Variants in NLGN1 observed in about 807,000 individuals in gnomAD.
The protein encoded by NLGN1 is neuroligin 1, also known as neuroligin-1.
A neutral mutation model predicts 65.5 loss-of-function variants in NLGN1; 12 were observed. The ratio of observed to expected loss-of-function variants is 0.18; its 90% confidence interval spans 0.12 to 0.30. The LOEUF is 0.30. NLGN1 is among the 10% of genes least tolerant of loss of function. The pLI, the probability that NLGN1 is intolerant of heterozygous loss-of-function variation, is 1.00. For missense variants in NLGN1, 750 were observed against 1,007.1 expected, an observed-to-expected ratio of 0.74 and a Z score of 3.46; for synonymous variants, 350 against 359.5, an observed-to-expected ratio of 0.97 and a Z score of 0.30.
chr3:174,290,105 T>C (rs1752594994), downstream of NLGN1, among the ~76,000 whole-genome samples: 1 of 150,658 alleles, frequency 6.6e-6, no homozygotes. Flanking sequence ...AATTCACGGC[T>C]ATTCCAATCA....
chr3:173,743,290 T>C (rs907620862), intron 3 of NLGN1, among the ~76,000 whole-genome samples: 5 of 152,190 alleles, frequency 3.3e-5, no homozygotes, highest in African/African-American at 4.8e-5. Flanking sequence ...AGTTGTAACA[T>C]GTACGGAATT....
intron 4 of NLGN1, among the ~76,000 whole-genome samples, chr3:174,200,652 ATT>A (rs1734278091): frequency 6.6e-6 from 1 of 152,326 alleles, no homozygotes; most frequent in Non-Finnish European, 1.5e-5. Flanking sequence ...AGAAATATTA[ATT>A]TCAACTAATA....
At chr3:173,934,860 T>A (rs1744767656) in intron 4 of NLGN1, among the ~76,000 whole-genome samples, 1 of 151,978 alleles carries the variant, frequency 6.6e-6, no homozygotes, top group South Asian at 2.1e-4. Context: ...CCCGATAATA[T>A]CTCTTTAAAG....
chr3:173,472,350 C>A (rs1725455335), intron 2 of NLGN1, among the ~76,000 whole-genome samples: 1 of 152,138 alleles, frequency 6.6e-6, no homozygotes, highest in South Asian at 2.1e-4. Context: ...GTCATAATGT[C>A]TTTATGAATG....
intron 4 of NLGN1, among the ~76,000 whole-genome samples, chr3:174,198,748 T>C (rs1280852867): frequency 6.6e-6 from 1 of 152,120 alleles, no homozygotes; most frequent in Non-Finnish European, 1.5e-5. Context: ...CTGAACCGTA[T>C]TTATCTGAGT....
chr3:173,854,459 T>C (rs1462187405), intron 4 of NLGN1, among the ~76,000 whole-genome samples: 3 of 152,068 alleles, frequency 2.0e-5, no homozygotes, highest in East Asian at 3.9e-4. Context: ...ATTCTCAGCT[T>C]TCTGTGGCTG....
intron 4 of NLGN1, among the ~76,000 whole-genome samples, chr3:174,027,059 ATTT>A (rs146892272): frequency 7.7e-6 from 1 of 130,414 alleles, no homozygotes; most frequent in Non-Finnish European, 1.6e-5. Flanking sequence ...GTCTAGTTCA[ATTT>A]TTTTAAAAAA....
At chr3:174,142,775 G>T (rs1411167411) in intron 4 of NLGN1, among the ~76,000 whole-genome samples, 1 of 152,152 alleles carries the variant, frequency 6.6e-6, no homozygotes, top group Non-Finnish European at 1.5e-5. Flanking sequence ...TAAATTATTG[G>T]TACAAAGACA....
chr3:173,767,159 GT>G (rs1305393280), intron 3 of NLGN1, among the ~76,000 whole-genome samples: 2 of 152,108 alleles, frequency 1.3e-5, no homozygotes, highest in South Asian at 2.1e-4. Flanking sequence ...GGACTGGCGT[GT>G]TTTTCTTCAA....
At chr3:173,739,033 C>T (rs777080376) in intron 3 of NLGN1, among the ~76,000 whole-genome samples, 5 of 151,846 alleles carry the variant, frequency 3.3e-5, no homozygotes, top group African/African-American at 7.3e-5. Flanking sequence ...ATGACATAAA[C>T]CTTGAGTTGT....
chr3:173,668,619 CTTTT>C (rs34649854), intron 3 of NLGN1, among the ~76,000 whole-genome samples: 5 of 132,744 alleles, frequency 3.8e-5, no homozygotes, highest in Admixed American at 7.6e-5. Context: ...CTTTTCTTTT[CTTTT>C]TTTTTTTTTT....
chr3:173,499,586 G>T (rs549756182), intron 2 of NLGN1, among the ~76,000 whole-genome samples: 8 of 151,892 alleles, frequency 5.3e-5, no homozygotes, highest in South Asian at 2.1e-4. Flanking sequence ...TTCCAATTCT[G>T]TGAAGAAAGT....
chr3:173,984,067 C>G (rs758772487), intron 4 of NLGN1, among the ~76,000 whole-genome samples: 2 of 152,132 alleles, frequency 1.3e-5, no homozygotes, highest in African/African-American at 4.8e-5. Context: ...CAATTAAAAG[C>G]AAAACAATGT....
intron 4 of NLGN1, among the ~76,000 whole-genome samples, chr3:173,932,008 AT>A (rs1270310092): frequency 6.6e-5 from 10 of 151,546 alleles, no homozygotes; most frequent in Non-Finnish European, 1.0e-4. Flanking sequence ...TTTTGTTTTA[AT>A]TTTTTTTCTG....
intron 4 of NLGN1, among the ~76,000 whole-genome samples, chr3:174,256,512 C>T (rs1168558293): frequency 1.3e-5 from 2 of 151,972 alleles, no homozygotes; most frequent in Non-Finnish European, 2.9e-5. Flanking sequence ...GAATTATAGA[C>T]ATGAGTGCTT....
chr3:174,038,776 T>G (rs924047955), intron 4 of NLGN1, among the ~76,000 whole-genome samples: 5 of 152,150 alleles, frequency 3.3e-5, no homozygotes, highest in African/African-American at 1.2e-4. Flanking sequence ...TCTAATTGCC[T>G]TATGTTTTAC....
chr3:173,613,997 G>A (rs1226105844), intron 3 of NLGN1, among the ~76,000 whole-genome samples: 1 of 140,312 alleles, frequency 7.1e-6, no homozygotes, highest in African/African-American at 2.6e-5. Context: ...TTTTTTTCTT[G>A]AGGCAAAGAT....
chr3:173,397,853 G>T (rs1039973229), upstream of NLGN1: 1 of 152,198 alleles, frequency 6.6e-6, no homozygotes, highest in African/African-American at 2.4e-5. Flanking sequence ...AGGCGAGTCG[G>T]AGTGGGTGAT....
chr3:173,879,734 G>T (rs1191386746), intron 4 of NLGN1, among the ~76,000 whole-genome samples: 1 of 151,968 alleles, frequency 6.6e-6, no homozygotes, highest in Admixed American at 6.6e-5. Context: ...AATGTGTGGA[G>T]TCTTGAATCC....
Sources: allele counts gnomAD v4.1 joint callset (sites outside exome capture counted in the v4.1 genomes callset), GRCh38; gene constraint gnomAD v4.1.1; transcripts MANE v1.5; gene names NCBI Gene and HGNC (gene_info 2026-07-23, HGNC 2026-07-21).